Variants in STK38L observed in about 807,000 individuals in gnomAD.
STK38L encodes the protein serine/threonine kinase 38 like.
A neutral mutation model predicts 59.7 loss-of-function variants in STK38L; 28 were observed. The ratio of observed to expected loss-of-function variants is 0.47; its 90% CI spans 0.35 to 0.64. The LOEUF is 0.64. STK38L is among the 30% of genes least tolerant of loss of function. STK38L has a pLI of 0.01. For missense variants in STK38L, 314 were observed against 555.8 expected (o/e 0.56, Z 4.37); for synonymous variants, 162 against 176.8 (o/e 0.92, Z 0.66).
intron 1 of STK38L, among the ~76,000 whole-genome samples, chr12:27,271,056 T>G (rs1439809413): frequency 2.0e-5 from 3 of 152,192 alleles, no homozygotes; most frequent in Non-Finnish European, 4.4e-5. Flanking sequence ...ACCCTTATCA[T>G]GAATCAGGTA....
intron 6 of STK38L, among the ~76,000 whole-genome samples, chr12:27,313,189 A>C (rs61915944): frequency 0.04 from 5,962 of 150,626 alleles, 402 homozygotes; most frequent in East Asian, 0.33. Context: ...CGGAGCTTGC[A>C]GTGAGCCGAG....
At chr12:27,286,173 T>C (rs1266378548) in intron 1 of STK38L, among the ~76,000 whole-genome samples, 1 of 152,106 alleles carries the variant, frequency 6.6e-6, no homozygotes, top group Non-Finnish European at 1.5e-5. Flanking sequence ...ATTTGGTTTA[T>C]AGGAAAAAAA....
intron 1 of STK38L, among the ~76,000 whole-genome samples, chr12:27,290,025 G>A (rs111627487): frequency 0.029 from 4,462 of 152,288 alleles, 93 homozygotes; most frequent in South Asian, 0.093. Flanking sequence ...GGATGAGCAG[G>A]AAGATTGAGC....
chr12:27,300,340 A>G (rs923755334), intron 2 of STK38L, among the ~76,000 whole-genome samples: 2 of 152,248 alleles, frequency 1.3e-5, no homozygotes, highest in African/African-American at 4.8e-5. Context: ...TAAAAAAGGT[A>G]CAACAGAAAT....
rs1319752243 is a variant in STK38L at position 27,276,634 on chromosome 12, TTAAA to T, written c.-11-21073_-11-21070del. ...CAAGATACTGTATTTATGTATAAGG[TTAAA>T]TAGTTTTAAAAAATTATCCATAAGA... is the stretch of plus-strand genomic sequence containing the variant. On this transcript the variant is annotated intron_variant, in intron 1 of 13. Coordinates refer to ENST00000389032, the MANE Select transcript of STK38L (RefSeq NM_015000.4). Among the ~76,000 whole-genome samples, 73 of 152,354 alleles carry T rather than the reference TTAAA, an allele frequency of 4.8e-4. 1 individual carries two copies. The highest frequency in any genetic ancestry group is 1.2e-3 in the East Asian group (6 of 5,194).
intron 1 of STK38L, among the ~76,000 whole-genome samples, chr12:27,261,029 C>G (rs1044808488): frequency 2.0e-5 from 3 of 152,160 alleles, no homozygotes; most frequent in African/African-American, 7.2e-5. Context: ...CTAATTGTGT[C>G]CCATGTTTCC....
intron 3 of STK38L, among the ~76,000 whole-genome samples, chr12:27,305,194 C>T (rs1209228282): frequency 6.6e-6 from 1 of 152,216 alleles, no homozygotes; most frequent in Non-Finnish European, 1.5e-5. Context: ...TAACCAATCA[C>T]CTGCTTTTGA....
chr12:27,300,145 A>C (rs961598561), intron 2 of STK38L, among the ~76,000 whole-genome samples: 7 of 152,198 alleles, frequency 4.6e-5, no homozygotes, highest in Non-Finnish European at 1.0e-4. Context: ...TATTGAAAAA[A>C]AAAGTAGTCT....
intron 1 of STK38L, among the ~76,000 whole-genome samples, chr12:27,283,949 A>G (rs1591889576): frequency 6.6e-6 from 1 of 152,226 alleles, no homozygotes; most frequent in South Asian, 2.1e-4. Flanking sequence ...GACTAAATCT[A>G]CATTACTGAA....
At chr12:27,247,425 C>A (rs1013851644) in intron 1 of STK38L, among the ~76,000 whole-genome samples, 1 of 152,188 alleles carries the variant, frequency 6.6e-6, no homozygotes, top group Non-Finnish European at 1.5e-5. Context: ...CTTCTGACAT[C>A]TAAATTTTGG....
At chr12:27,319,093 G>T (rs1404315022) in intron 11 of STK38L, among the ~76,000 whole-genome samples, 1 of 152,134 alleles carries the variant, frequency 6.6e-6, no homozygotes, top group Non-Finnish European at 1.5e-5. Context: ...AGTAACTATG[G>T]TAGCAACACA....
intron 1 of STK38L, among the ~76,000 whole-genome samples, chr12:27,279,889 A>ACC (rs765898319): frequency 6.6e-5 from 10 of 152,142 alleles, no homozygotes; most frequent in African/African-American, 2.4e-4. Context: ...CTGATGAAAG[A>ACC]CCATATAGCT....
intron 10 of STK38L, 62 bp from the exon 11 acceptor site, chr12:27,317,834 G>A (rs1944623914): frequency 1.3e-6 from 2 of 1,594,532 alleles, no homozygotes; most frequent in Non-Finnish European, 1.7e-6. Flanking sequence ...CACATGTTTG[G>A]TGGGTATAAA....
At chr12:27,263,529 G>A (rs1943244795) in intron 1 of STK38L, among the ~76,000 whole-genome samples, 1 of 152,102 alleles carries the variant, frequency 6.6e-6, no homozygotes, top group African/African-American at 2.4e-5. Flanking sequence ...ATTATCCCTG[G>A]TATAGGGCAC....
At chr12:27,287,695 T>G (rs1038108476) in intron 1 of STK38L, among the ~76,000 whole-genome samples, 4 of 152,190 alleles carry the variant, frequency 2.6e-5, no homozygotes, top group African/African-American at 4.8e-5. Flanking sequence ...AGTTTTCATG[T>G]GTGTCCTTTT....
intron 1 of STK38L, among the ~76,000 whole-genome samples, chr12:27,281,762 C>T (rs558655425): frequency 3.9e-5 from 6 of 152,158 alleles, no homozygotes; most frequent in African/African-American, 7.2e-5. Flanking sequence ...AGGCGAGGCA[C>T]GGTGCCTCAG....
At chr12:27,288,041 C>T (rs537202509) in intron 1 of STK38L, among the ~76,000 whole-genome samples, 14 of 152,266 alleles carry the variant, frequency 9.2e-5, no homozygotes, top group Admixed American at 7.8e-4. Context: ...CACCACCATG[C>T]CCAGCTAATT....
chr12:27,320,037 C>T (rs1341509921), intron 12 of STK38L, among the ~76,000 whole-genome samples: 1 of 152,160 alleles, frequency 6.6e-6, no homozygotes, highest in African/African-American at 2.4e-5. Context: ...CAGGATATGG[C>T]GATTGCCTCA....
intron 2 of STK38L, 76 bp downstream of exon 2, chr12:27,297,930 C>A: frequency 6.5e-7 from 1 of 1,536,860 alleles, no homozygotes. Context: ...AACTTGTTTA[C>A]CATGAATGAT....
Sources: allele counts gnomAD v4.1 joint callset (sites outside exome capture counted in the v4.1 genomes callset), GRCh38; gene constraint gnomAD v4.1.1; transcripts MANE v1.5; gene names NCBI Gene and HGNC (gene_info 2026-07-23, HGNC 2026-07-21).